TTN: variants seen among roughly 807,000 people sequenced by gnomAD.
TTN encodes titin.
Under a neutral mutation model 3,223.0 loss-of-function variants are expected in TTN, and 1,525 were observed. The ratio of observed to expected loss-of-function variants is 0.47; its 90% CI spans 0.45 to 0.49. The LOEUF (loss-of-function observed/expected upper bound fraction) is 0.49, where lower values mean the gene tolerates loss of function less well. TTN is among the 20% of genes least tolerant of loss of function. The pLI, the probability that TTN is intolerant of heterozygous loss-of-function variation, is 0.00. For missense variants in TTN, 40,786 were observed against 43,424.0 expected (o/e 0.94, Z 5.40); for synonymous variants, 14,094 against 15,161.0 (o/e 0.93, Z 5.17).
At chr2:178,751,176 GA>G in intron 47 of TTN, 3 of 1,611,416 alleles carry the variant, frequency 1.9e-6, no homozygotes, top group Non-Finnish European at 2.5e-6. Flanking sequence ...CTAGAGAACA[GA>G]ATATCTTTAT....
intron 359 of TTN, 130 bp downstream of exon 359, chr2:178,529,830 G>A: frequency 9.8e-7 from 1 of 1,022,694 alleles, no homozygotes; most frequent in Non-Finnish European, 1.4e-6. Flanking sequence ...TGTACAAATT[G>A]TATTCTGGAA....
chr2:178,578,238 A>G, intron 321 of TTN, 53 bp from the exon 322 acceptor site: 1 of 1,497,472 alleles, frequency 6.7e-7, no homozygotes, highest in Non-Finnish European at 9.1e-7. Context: ...ATTTTACAAT[A>G]TATATGTGTT....
intron 122 of TTN, 41 bp downstream of exon 122, chr2:178,689,772 C>CAAAGATA: frequency 6.4e-7 from 1 of 1,554,400 alleles, no homozygotes; most frequent in Non-Finnish European, 8.7e-7. Context: ...TATTTTGTAT[C>CAAAGATA]AAAGATAAAA....
chr2:178,791,973 A>C, intron 10 of TTN, 99 bp downstream of exon 10: 1 of 1,325,608 alleles, frequency 7.5e-7, no homozygotes, highest in Non-Finnish European at 1.0e-6. Flanking sequence ...ATACAACCAA[A>C]GACTTCTCCA....
Position 178,715,154 on chromosome 2 carries a change from T to C in TTN, c.26032A>G (p.Lys8678Glu), listed in dbSNP as rs2077288683. 1.2e-6 allele frequency: 2 copies of C among 1,613,660 alleles called. No homozygotes were observed. Among genetic ancestry groups the C allele is most frequent in the African/African-American group, 1.3e-5 (1 of 74,918 alleles). The change falls in exon 90 of 363, where the codon AAA (lysine) becomes GAA (glutamate). Residue 8678 changes from lysine (K) to glutamate (E), a missense_variant. Lys to Glu is a moderately conservative substitution (Grantham distance 56). Transcript: ENST00000589042. The part of the protein sequence containing the change: ...GTPPFHVSWY[K>E]DKRELRSGKK... ...CCGCTCCTAAGTTCTCTCTTGTCTT[T>C]ATACCAAGAAACGTGAAATGGGGGA...
chr2:178,771,831 T>C (rs931936964), intron 33 of TTN, among the ~76,000 whole-genome samples: 1 of 152,154 alleles, frequency 6.6e-6, no homozygotes, highest in African/African-American at 2.4e-5. Context: ...AATCTGATAT[T>C]TTGACTACAT....
Position 178,571,506 on chromosome 2 carries a change from C to T in TTN, c.74626G>A (p.Gly24876Arg). The T allele has an allele frequency of 6.2e-7, 1 of 1,613,294 alleles. No homozygotes were observed. Among genetic ancestry groups the T allele is most frequent in the Non-Finnish European group, 8.5e-7 (1 of 1,179,598 alleles). ...GCAATTCTAAACTGATATTCACATC[C>T]AGTCTTCAGTCTGCAAGCCTTTATT... ...TTIKACRLKT[G>R]CEYQFRIAAE... The change falls in exon 326 of 363, where the codon GGA (glycine) becomes AGA (arginine). Residue 24876 changes from glycine to arginine, a missense_variant. Coordinates refer to ENST00000589042, the MANE Select transcript of TTN (RefSeq NM_001267550.2).
Position 178,594,386 on chromosome 2 carries a change from G to C in TTN, c.58108C>G (p.Pro19370Ala). The C allele has an allele frequency of 1.2e-6, 2 of 1,602,886 alleles. No homozygotes were observed. The highest frequency in any genetic ancestry group is 1.7e-6 in the Non-Finnish European group (2 of 1,173,942). Residue 19370 changes from proline (P) to alanine (A), a missense_variant, in exon 296 of 363, where the codon CCA becomes GCA. Coordinates refer to ENST00000589042, the MANE Select transcript of TTN (RefSeq NM_001267550.2). ...SAVNIVGQGK[P>A]SFCTKPITCK... ...GTAATTGGTTTGGTGCAAAATGATG[G>C]TTTGCCTTGTCCAACAATGTTGACA...
At chr2:178,664,243 G>A in intron 168 of TTN, 145 bp from the exon 169 acceptor site, 2 of 918,450 alleles carry the variant, frequency 2.2e-6, no homozygotes, top group Non-Finnish European at 1.6e-6. Context: ...GGTGTTTCAG[G>A]TTTTAGAGGA....
Position 178,724,423 on chromosome 2 carries a change from A to G in TTN, c.20952T>C (p.Asp6984=). 6.2e-7 allele frequency: 1 copy of G among 1,613,500 alleles called. No homozygotes were observed. ...TTTGGCTGCTGGTCAACAGCTTTCC[A>G]TCCTTGTACCATTCAACAGAGAGTT... is the stretch of plus-strand genomic sequence containing the variant. The part of the protein sequence containing the change: ...TPELSVEWYK[D]GKLLTSSQKH... Residue 6984 remains aspartate, a synonymous_variant, in exon 72 of 363, where the codon GAT becomes GAC. Coordinates refer to ENST00000589042, the MANE Select transcript of TTN (RefSeq NM_001267550.2).
At chr2:178,630,774 A>C in intron 238 of TTN, 30 bp downstream of exon 238, 2 of 1,596,098 alleles carry the variant, frequency 1.3e-6, no homozygotes, top group Non-Finnish European at 1.7e-6. Context: ...CAGCTCCTTT[A>C]GGTGTTGACA....
In TTN at chr2:178,534,416, C is replaced by G. The variant is rs776959962; in HGVS notation, c.102199G>C (p.Ala34067Pro). ...TGCTTCAACCATGGGTGCTGGAGAG[C>G]CTCCGATGCTGTCATGCGAGATTTC... Reference protein sequence around the residue: ...ERKSRMTASEALQHPWLKQKI... With the variant: ...ERKSRMTASEPLQHPWLKQKI... The change falls in exon 358 of 363, where the codon GCT (alanine) becomes CCT (proline). Residue 34067 changes from alanine (A) to proline (P), a missense_variant. By Grantham distance (27) the Ala-to-Pro change is conservative (BLOSUM62 -1). Transcript: ENST00000589042. 1 of 1,611,630 alleles carries G rather than the reference C, an allele frequency of 6.2e-7. No homozygotes were observed. Among genetic ancestry groups the G allele is most frequent in the Non-Finnish European group, 8.5e-7 (1 of 1,179,810 alleles).
rs1459326742 is a variant in TTN at position 178,559,687 on chromosome 2, G to C, written c.86445C>G (p.Ala28815=). ...TGTACTTTCCAGAGTCATTTCTGTT[G>C]GCATTTTCAATGGTCAGTGATGTAC... ...DSRTSLTIEN[A]NRNDSGKYTL... is the part of the protein sequence containing the mutation. Residue 28815 remains alanine (A), a synonymous_variant, in exon 326 of 363, where the codon GCC becomes GCG. Transcript: ENST00000589042. 1 of 1,609,970 alleles carries C rather than the reference G, an allele frequency of 6.2e-7. No individual in the cohort carries two copies. The highest frequency in any genetic ancestry group is 8.5e-7 in the Non-Finnish European group (1 of 1,177,900).
chr2:178,665,028 T>C, intron 165 of TTN, 102 bp from the exon 166 acceptor site: 1 of 1,332,638 alleles, frequency 7.5e-7, no homozygotes, highest in Admixed American at 2.1e-5. Context: ...TTCTCTTTCC[T>C]CCATCCTCCC....
chr2:178,726,354 T>C (rs1344833775), intron 69 of TTN: 4 of 220,204 alleles, frequency 1.8e-5, no homozygotes, highest in Non-Finnish European at 3.5e-5. Flanking sequence ...CAAGCAAGTA[T>C]AGCAATAAAT....
Position 178,730,935 on chromosome 2 carries a change from A to T in TTN, c.17730T>A (p.Ile5910=). 1.2e-6 allele frequency: 2 copies of T among 1,602,478 alleles called. No homozygotes were observed. Among genetic ancestry groups the T allele is most frequent in the Non-Finnish European group, 1.7e-6 (2 of 1,173,440 alleles). ...AAGAACAATACCAACCTAATACATT[A>T]ATTCTAGCCTTGCAGCTGCTCCTCC... ...DVGRSSCKAR[I]NVLDLIIPPS... is the part of the protein sequence containing the mutation. Residue 5910 remains isoleucine (I), a synonymous_variant, in exon 60 of 363, where the codon ATT becomes ATA. Transcript: ENST00000589042.
chr2:178,738,077 T>C lies in TTN; in HGVS notation c.14371+5A>G, dbSNP rs371866723. On this transcript the variant is annotated splice_donor_5th_base_variant and intron_variant, in intron 49 of 362. Coordinates refer to ENST00000589042, the MANE Select transcript of TTN (RefSeq NM_001267550.2). ...ACAACATCTGTGCCAATGTATGGCATTTACCTGTCACAGTTAGTGTGGCTG... is the reference window on the plus strand; with the variant it reads ...ACAACATCTGTGCCAATGTATGGCACTTACCTGTCACAGTTAGTGTGGCTG... The C allele has an allele frequency of 1.2e-6, 2 of 1,610,772 alleles. No homozygotes were observed. Among genetic ancestry groups the C allele is most frequent in the Admixed American group, 1.7e-5 (1 of 59,938 alleles).
intron 137 of TTN, 96 bp from the exon 138 acceptor site, chr2:178,681,267 A>G (rs1434591959): frequency 4.9e-6 from 7 of 1,436,658 alleles, no homozygotes; most frequent in Non-Finnish European, 6.7e-6. Flanking sequence ...GAATCAGGAC[A>G]AGAACATCCT....
chr2:178,619,654 C>T lies in TTN; in HGVS notation c.46663G>A (p.Asp15555Asn), dbSNP rs754162662. ...TCAAGCTTAGCTCTGGCTTCTTTGT[C>T]TTTGGCAATAAATCTGTATTCACCC... The part of the protein sequence containing the change: ...DQGEYRFIAK[D>N]KEARAKLELA... Residue 15555 changes from aspartate to asparagine, a missense_variant, in exon 250 of 363, where the codon GAC becomes AAC. Physicochemically the swap from Asp to Asn is conservative, Grantham distance 23. Coordinates refer to ENST00000589042, the MANE Select transcript of TTN (RefSeq NM_001267550.2). 6.2e-7 allele frequency: 1 copy of T among 1,612,020 alleles called. No homozygotes were observed. Among genetic ancestry groups the T allele is most frequent in the Non-Finnish European group, 8.5e-7 (1 of 1,178,768 alleles).
Sources: gnomAD v4.1 joint callset for allele counts (sites outside exome capture counted in the v4.1 genomes callset) on GRCh38, gnomAD v4.1.1 for gene constraint, MANE v1.5 for transcripts, NCBI Gene and HGNC (gene_info 2026-07-23, HGNC 2026-07-21) for gene names.